The following WDR49 variants were observed in gnomAD, a reference collection of about 807,000 sequenced individuals.
WDR49 encodes cilia- and flagella-associated protein 337.
In WDR49, 107 loss-of-function variants were observed where a neutral mutation model predicts 119.5. That is an observed-to-expected ratio of 0.90 (90% CI 0.77 to 1.05). The LOEUF (loss-of-function observed/expected upper bound fraction) is 1.05. WDR49 is among the 50% of genes least tolerant of loss of function. WDR49 has a pLI of 0.00. For missense variants in WDR49, 1,240 were observed against 1,220.5 expected, an observed-to-expected ratio of 1.02 and a Z score of -0.24; for synonymous variants, 425 against 418.8, an observed-to-expected ratio of 1.01 and a Z score of -0.18.
intron 17 of WDR49, among the ~76,000 whole-genome samples, chr3:167,502,008 T>C (rs771287198): frequency 5.9e-5 from 9 of 152,204 alleles, no homozygotes; most frequent in Admixed American, 3.3e-4. Flanking sequence ...GCATTGGAGA[T>C]GGGGCCTGGT....
intron 16 of WDR49, among the ~76,000 whole-genome samples, chr3:167,506,260 C>T (rs1008416979): frequency 6.6e-6 from 1 of 152,122 alleles, no homozygotes; most frequent in African/African-American, 2.4e-5. Flanking sequence ...CTATAAGACT[C>T]TGAGTTGTTT....
intron 16 of WDR49, among the ~76,000 whole-genome samples, chr3:167,518,305 C>T (rs995723440): frequency 2.0e-5 from 3 of 151,680 alleles, no homozygotes; most frequent in African/African-American, 7.3e-5. Context: ...TGAGGAATCG[C>T]CACACTGACT....
At chr3:167,589,965 T>C (rs919270694) in intron 7 of WDR49, among the ~76,000 whole-genome samples, 1 of 152,008 alleles carries the variant, frequency 6.6e-6, no homozygotes, top group Non-Finnish European at 1.5e-5. Flanking sequence ...AATAACATAG[T>C]GGGCATTCTT....
intron 18 of WDR49, among the ~76,000 whole-genome samples, chr3:167,484,417 C>T (rs549663980): frequency 6.6e-6 from 1 of 152,110 alleles, no homozygotes; most frequent in South Asian, 2.1e-4. Context: ...GCAGGTTGTA[C>T]ACATGTACCC....
At chr3:167,626,603 CA>C (rs1717137662) in intron 3 of WDR49, among the ~76,000 whole-genome samples, 1 of 152,044 alleles carries the variant, frequency 6.6e-6, no homozygotes, top group Admixed American at 6.6e-5. Flanking sequence ...GTAAACTATA[CA>C]GGAGTAAAGT....
intron 5 of WDR49, among the ~76,000 whole-genome samples, chr3:167,606,449 A>G (rs1053227983): frequency 6.6e-6 from 1 of 152,160 alleles, no homozygotes; most frequent in African/African-American, 2.4e-5. Flanking sequence ...TAAAATTTCT[A>G]TTGCTAATGA....
At chr3:167,514,923 A>G (rs1752142014) in intron 16 of WDR49, among the ~76,000 whole-genome samples, 1 of 152,154 alleles carries the variant, frequency 6.6e-6, no homozygotes, top group South Asian at 2.1e-4. Flanking sequence ...CCCTCTCAAG[A>G]CTGAACCAGG....
chr3:167,651,867 T>C (rs1037960429), intron 2 of WDR49, among the ~76,000 whole-genome samples: 1 of 152,198 alleles, frequency 6.6e-6, no homozygotes, highest in Non-Finnish European at 1.5e-5. Context: ...TCTAACCTTC[T>C]GAAGCAGTTT....
At chr3:167,489,985 GA>G (rs1234230009) in intron 18 of WDR49, among the ~76,000 whole-genome samples, 1 of 152,062 alleles carries the variant, frequency 6.6e-6, no homozygotes, top group Non-Finnish European at 1.5e-5. Context: ...TGGGTCCTGA[GA>G]TGCTGCATTT....
At chr3:167,584,680 T>A (rs1714716342) in intron 7 of WDR49, among the ~76,000 whole-genome samples, 2 of 152,200 alleles carry the variant, frequency 1.3e-5, no homozygotes, top group South Asian at 4.1e-4. Context: ...TTCAAATCAG[T>A]AGTAGAGACA....
At chr3:167,568,430 T>C (rs1032575992) in intron 8 of WDR49, among the ~76,000 whole-genome samples, 10 of 152,168 alleles carry the variant, frequency 6.6e-5, no homozygotes, top group Non-Finnish European at 1.0e-4. Flanking sequence ...TGCACCCACA[T>C]AAGACCTGTA....
intron 13 of WDR49, among the ~76,000 whole-genome samples, chr3:167,529,652 T>C (rs1752773721): frequency 6.6e-6 from 1 of 152,128 alleles, no homozygotes. Flanking sequence ...TAAAAGTCCA[T>C]ATGCACAGAT....
chr3:167,492,853 A>C (rs1338020263), intron 18 of WDR49, among the ~76,000 whole-genome samples: 1 of 144,008 alleles, frequency 6.9e-6, no homozygotes, highest in Non-Finnish European at 1.5e-5. Context: ...TTATCACCTC[A>C]TAACTTATCG....
intron 15 of WDR49, among the ~76,000 whole-genome samples, chr3:167,524,256 C>T (rs567038059): frequency 6.6e-5 from 10 of 152,212 alleles, no homozygotes; most frequent in Admixed American, 5.2e-4. Flanking sequence ...TGGTTTCTTT[C>T]TTGTACATTT....
intron 2 of WDR49, among the ~76,000 whole-genome samples, chr3:167,629,507 G>A (rs1717274247): frequency 6.6e-6 from 1 of 151,984 alleles, no homozygotes. Context: ...ACATACTGCA[G>A]CCCATAGATT....
intron 7 of WDR49, among the ~76,000 whole-genome samples, chr3:167,580,428 C>G (rs140819678): frequency 5.5e-4 from 84 of 152,296 alleles, no homozygotes; most frequent in Middle Eastern, 3.4e-3. Flanking sequence ...CGAGAAATCT[C>G]CTATGCTTTG....
chr3:167,578,294 A>C (rs758273795), intron 7 of WDR49, among the ~76,000 whole-genome samples: 10 of 152,154 alleles, frequency 6.6e-5, no homozygotes, highest in Non-Finnish European at 1.3e-4. Flanking sequence ...CGTCCATTGT[A>C]TAAAGTCAAA....
chr3:167,626,064 T>G (rs971215120), intron 3 of WDR49, among the ~76,000 whole-genome samples: 1 of 152,058 alleles, frequency 6.6e-6, no homozygotes, highest in African/African-American at 2.4e-5. Context: ...TGTACATGAC[T>G]GGATATTTCA....
chr3:167,600,149 T>G (rs1308179565), intron 7 of WDR49, among the ~76,000 whole-genome samples: 2 of 151,980 alleles, frequency 1.3e-5, no homozygotes, highest in Non-Finnish European at 2.9e-5. Flanking sequence ...ATTACTTTCC[T>G]CTCCTCAAGC....
Sources: gnomAD v4.1 joint callset for allele counts (sites outside exome capture counted in the v4.1 genomes callset) on GRCh38, gnomAD v4.1.1 for gene constraint, MANE v1.5 for transcripts, NCBI Gene and HGNC (gene_info 2026-07-23, HGNC 2026-07-21) for gene names.